Variants in MLLT10 observed in about 807,000 individuals in gnomAD.
MLLT10 encodes the protein MLLT10 histone lysine methyltransferase DOT1L cofactor.
In MLLT10, 30 loss-of-function variants were observed where a neutral mutation model predicts 129.1. The ratio of observed to expected loss-of-function variants is 0.23; its 90% CI spans 0.17 to 0.32. MLLT10 has a LOEUF of 0.32. Among genes scored for constraint, MLLT10 ranks in the 10% least tolerant of loss-of-function variants. MLLT10 has a pLI of 1.00. For synonymous variants in MLLT10, 490 were observed against 446.4 expected (o/e 1.10, Z -1.23); for missense variants, 1,119 against 1,268.3 (o/e 0.88, Z 1.79).
chr10:21,723,147 A>G (rs1298063280), intron 14 of MLLT10, among the ~76,000 whole-genome samples: 1 of 152,168 alleles, frequency 6.6e-6, no homozygotes, highest in African/African-American at 2.4e-5. Context: ...TCTTTAGCAT[A>G]CGCTAAAGAT....
At chr10:21,682,130 A>T in intron 12 of MLLT10, 95 bp from the exon 13 acceptor site, 1 of 1,012,480 alleles carries the variant, frequency 9.9e-7, no homozygotes, top group Non-Finnish European at 1.4e-6. Context: ...AGACTTACTG[A>T]AATTTTATTA....
intron 9 of MLLT10, among the ~76,000 whole-genome samples, chr10:21,656,926 G>A (rs2049648016): frequency 6.6e-6 from 1 of 152,178 alleles, no homozygotes. Context: ...ATAGGATTCT[G>A]TGTCTGCAAG....
intron 9 of MLLT10, among the ~76,000 whole-genome samples, chr10:21,660,852 G>T (rs2050115487): frequency 7.8e-6 from 1 of 128,820 alleles, no homozygotes; most frequent in African/African-American, 3.0e-5. Flanking sequence ...TAGCCTGGGT[G>T]ACAATCAAAA....
intron 20 of MLLT10, 25 bp downstream of exon 20, chr10:21,734,154 GT>G (rs769983721): frequency 6.4e-7 from 1 of 1,566,272 alleles, no homozygotes; most frequent in African/African-American, 1.4e-5. Flanking sequence ...TATGTTTTGG[GT>G]TTTTTAGTAT....
Position 21,727,676 on chromosome 10 carries a change from C to A in MLLT10, c.1991-180C>A, listed in dbSNP as rs144564346. On this transcript the variant is annotated intron_variant, in intron 15 of 22. Coordinates refer to ENST00000307729, the MANE Select transcript of MLLT10 (RefSeq NM_001195626.3). ...CCCACAAAAACGTGTAGGGACAACGCCTTACATGCCACAGTTCAGCAATTC... is the reference window on the plus strand; with the variant it reads ...CCCACAAAAACGTGTAGGGACAACGACTTACATGCCACAGTTCAGCAATTC... Among the ~76,000 whole-genome samples the A allele has an allele frequency of 8.3e-3, 1,261 of 152,228 alleles. 9 individuals are homozygous for A. The highest frequency in any genetic ancestry group is 0.011 in the Non-Finnish European group (773 of 68,014).
At chr10:21,556,608 G>A in intron 3 of MLLT10, 1 of 1,541,878 alleles carries the variant, frequency 6.5e-7, no homozygotes, top group East Asian at 2.3e-5. Flanking sequence ...GCGTTAGTAT[G>A]TAGTGAATAA....
At chr10:21,568,064 C>T (rs1460542848) in intron 3 of MLLT10, among the ~76,000 whole-genome samples, 4 of 152,122 alleles carry the variant, frequency 2.6e-5, no homozygotes, top group Admixed American at 1.3e-4. Flanking sequence ...GTGATCCACC[C>T]GCCTTGGCCT....
At chr10:21,667,945 T>C (rs1486023764) in intron 9 of MLLT10, among the ~76,000 whole-genome samples, 1 of 152,164 alleles carries the variant, frequency 6.6e-6, no homozygotes, top group African/African-American at 2.4e-5. Flanking sequence ...AAATGACGTG[T>C]ATTCTGAATT....
At chr10:21,700,291 A>G (rs748907196) in intron 13 of MLLT10, among the ~76,000 whole-genome samples, 10 of 152,146 alleles carry the variant, frequency 6.6e-5, no homozygotes, top group Non-Finnish European at 1.3e-4. Flanking sequence ...TTTTCTGCAT[A>G]TAAGATCATG....
chr10:21,612,918 G>T (rs2044800648), intron 6 of MLLT10, among the ~76,000 whole-genome samples: 1 of 152,030 alleles, frequency 6.6e-6, no homozygotes, highest in Non-Finnish European at 1.5e-5. Flanking sequence ...TTCATGCCGG[G>T]TGCAGTGGCC....
rs542397508 is a variant in MLLT10 at position 21,534,565 on chromosome 10, C to T, written c.-1+45C>T. ...CCGGGCCGGGCGGGGGGCGCCGGGG[C>T]GGGCTCGGGGGGCTGTGTGGGGGGG... On this transcript the variant is annotated intron_variant, in intron 1 of 22. Coordinates refer to ENST00000307729, the MANE Select transcript of MLLT10 (RefSeq NM_001195626.3). 173 of 1,093,136 alleles carry T rather than the reference C, an allele frequency of 1.6e-4. No individual in the cohort carries two copies. In the African/African-American group the frequency reaches 4.1e-3, roughly 26 times the overall value. The allele number at this position is 1,093,136 out of a possible 1,614,324, so 67.7% of individuals were successfully genotyped here.
intron 2 of MLLT10, among the ~76,000 whole-genome samples, chr10:21,535,010 A>T (rs1554775532): frequency 1.9e-4 from 28 of 146,482 alleles, no homozygotes; most frequent in Non-Finnish European, 4.5e-5. Flanking sequence ...TTCCGCTCTC[A>T]CTCTCTCAAG....
At chr10:21,562,019 T>C (rs1333267046) in intron 3 of MLLT10, among the ~76,000 whole-genome samples, 1 of 151,970 alleles carries the variant, frequency 6.6e-6, no homozygotes, top group Non-Finnish European at 1.5e-5. Context: ...TTGGTCAGAC[T>C]GGTCTCAAAC....
At chr10:21,616,380 ATTTGCATGGAATTTG>A (rs1302114120) in intron 7 of MLLT10, among the ~76,000 whole-genome samples, 3 of 152,088 alleles carry the variant, frequency 2.0e-5, no homozygotes, top group African/African-American at 7.2e-5. Context: ...TAATCTTTAC[ATTTGCATGGAATTTG>A]AACTTCTTTA....
intron 2 of MLLT10, among the ~76,000 whole-genome samples, chr10:21,536,491 TAA>T (rs954613753): frequency 6.6e-6 from 1 of 152,206 alleles, no homozygotes; most frequent in African/African-American, 2.4e-5. Flanking sequence ...TACACCTGAA[TAA>T]AGTTTTTGGG....
At chr10:21,642,487 T>C (rs1482003354) in intron 8 of MLLT10, among the ~76,000 whole-genome samples, 1 of 152,008 alleles carries the variant, frequency 6.6e-6, no homozygotes, top group Non-Finnish European at 1.5e-5. Flanking sequence ...TGAAACCCCG[T>C]CTCTACTAAA....
chr10:21,607,068 G>C (rs1006481466), intron 5 of MLLT10, among the ~76,000 whole-genome samples: 3 of 152,052 alleles, frequency 2.0e-5, no homozygotes, highest in Non-Finnish European at 4.4e-5. Context: ...ACCACCCAGG[G>C]CAATATAGCA....
chr10:21,636,986 C>G, intron 8 of MLLT10, among the ~76,000 whole-genome samples: 1 of 152,276 alleles, frequency 6.6e-6, no homozygotes, highest in Admixed American at 6.5e-5. Context: ...CTTCCTTCCT[C>G]ATAAGGCCTT....
At chr10:21,735,336 A>C in intron 21 of MLLT10, 101 bp downstream of exon 21, 1 of 1,030,642 alleles carries the variant, frequency 9.7e-7, no homozygotes, top group Non-Finnish European at 1.4e-6. Context: ...AACATTATTG[A>C]ATGCATAATC....
Sources: allele counts gnomAD v4.1 joint callset (sites outside exome capture counted in the v4.1 genomes callset), GRCh38; gene constraint gnomAD v4.1.1; transcripts MANE v1.5; gene names NCBI Gene and HGNC (gene_info 2026-07-23, HGNC 2026-07-21).